The following ITIH6 variants were observed in gnomAD, a reference collection of about 807,000 sequenced individuals.
ITIH6 encodes the protein inter-alpha-trypsin inhibitor heavy chain H6.
Under a neutral mutation model 58.2 loss-of-function variants are expected in ITIH6, and 60 were observed. The ratio of observed to expected loss-of-function variants is 1.03; its 90% CI spans 0.84 to 1.28. The LOEUF (loss-of-function observed/expected upper bound fraction) is 1.28, where lower values mean the gene tolerates loss of function less well. ITIH6 is among the 50% of genes most tolerant of loss of function. The pLI, the probability that ITIH6 is intolerant of heterozygous loss-of-function variation, is 0.00. For synonymous variants in ITIH6, 493 were observed against 417.4 expected (o/e 1.18, Z -2.21); for missense variants, 1,290 against 1,021.1 (o/e 1.26, Z -3.59).
At chrX:54,783,744 TAA>T (rs1404758961) in intron 5 of ITIH6, among the ~76,000 whole-genome samples, 1 of 111,830 alleles carries the variant, frequency 8.9e-6, no homozygotes, top group East Asian at 2.8e-4. Flanking sequence ...TCAATATTGT[TAA>T]AGTGTCCATA....
At position 54,758,077 on chromosome X, in the gene ITIH6, G is replaced by T. The variant is rs1418842133; in HGVS notation, c.1997C>A (p.Pro666Gln). Residue 666 changes from proline (P) to glutamine (Q), a missense_variant, in exon 8 of 13, where the codon CCA (proline) becomes CAA (glutamine). Pro to Gln is a moderately conservative substitution (Grantham distance 76). Transcript: ENST00000218436. ...VISPKSRPVK[P>Q]KFYLSSTTTA... The stretch of plus-strand genomic sequence containing the variant: ...AGTAGTTGAGGATAAGTAGAACTTT[G>T]GTTTCACAGGCCTTGATTTGGGGGA... 5.0e-6 allele frequency: 6 copies of T among 1,211,450 alleles called. No homozygotes were observed. The Admixed American group carries it at 1.1e-4, about 22-fold the overall frequency.
intron 6 of ITIH6, among the ~76,000 whole-genome samples, chrX:54,762,676 T>G (rs977488513): frequency 8.9e-6 from 1 of 112,319 alleles, no homozygotes; most frequent in Non-Finnish European, 1.9e-5. Flanking sequence ...ACTTAGATAT[T>G]CCCTGTCCCA....
intron 5 of ITIH6, among the ~76,000 whole-genome samples, chrX:54,780,350 A>C (rs750280360): frequency 5.2e-4 from 59 of 112,465 alleles, no homozygotes; most frequent in Non-Finnish European, 9.2e-4. Context: ...TAACACTAAA[A>C]ATCAATAACA....
Position 54,757,551 on chromosome X carries a change from C to T in ITIH6, c.2523G>A (p.Gly841=), listed in dbSNP as rs1476668533. The part of the protein sequence containing the change: ...PKTRNNMPHL[G]PGILLSKTPK... ...GGGTCTTGGACAAGAGGATTCCAGG[C>T]CCCAGGTGTGGCATGTTGTTTCGGG... The change falls in exon 8 of 13, where the codon GGG becomes GGA. Residue 841 remains glycine (G), a synonymous_variant. Coordinates refer to ENST00000218436, the MANE Select transcript of ITIH6 (RefSeq NM_198510.3). The T allele has an allele frequency of 5.6e-5, 68 of 1,207,632 alleles. No homozygotes were observed. The highest frequency in any genetic ancestry group is 7.4e-5 in the Non-Finnish European group (66 of 894,224).
Position 54,749,044 on chromosome X carries a change from C to T in ITIH6, c.*851G>A, listed in dbSNP as rs754595183. ...TCCTGTGTTTCCATAAATGTCTGTC[C>T]CTCTATCCATCCATATCTGTGCCCT... On this transcript the variant is annotated 3_prime_UTR_variant, in exon 13 of 13. Transcript: ENST00000218436. 3 of 111,596 alleles carry T rather than the reference C, an allele frequency of 2.7e-5. No individual in the cohort carries two copies. Among genetic ancestry groups the T allele is most frequent in the African/African-American group, 9.8e-5 (3 of 30,692 alleles). The allele number at this position is 111,596 out of a possible 1,213,427, so 9.2% of individuals were successfully genotyped here.
chrX:54,782,060 AAC>A (rs1279643078), intron 5 of ITIH6, among the ~76,000 whole-genome samples: 1 of 111,442 alleles, frequency 9.0e-6, no homozygotes, highest in African/African-American at 3.3e-5. Context: ...AGAGGGGAAT[AAC>A]ACACACTGGG....
Position 54,757,502 on chromosome X carries a change from GT to G in ITIH6, c.2571del (p.Lys857AsnfsTer45), listed in dbSNP as rs1284131301. On this transcript the variant is annotated frameshift_variant, in exon 8 of 13. Coordinates refer to ENST00000218436, the MANE Select transcript of ITIH6 (RefSeq NM_198510.3). LOFTEE classifies it high-confidence loss of function. ...GAAATTTGGTGTGGTGGGGCACTCG[GT>G]TTAAGAGATAATAAGATTTTAGGGG... is the stretch of plus-strand genomic sequence containing the variant. ...SKTPKILLSL[K>X]PSAPPHQIST... 1.7e-6 allele frequency: 2 copies of G among 1,211,145 alleles called. No homozygotes were observed. The highest frequency in any genetic ancestry group is 2.2e-6 in the Non-Finnish European group (2 of 895,322).
chrX:54,771,309 T>A (rs2147611653), intron 6 of ITIH6, among the ~76,000 whole-genome samples: 1 of 112,406 alleles, frequency 8.9e-6, no homozygotes, highest in East Asian at 2.8e-4. Flanking sequence ...CCTTCTATTA[T>A]TTCCATGATG....
In ITIH6 at chrX:54,757,970, A is replaced by T. The variant is rs145736752; in HGVS notation, c.2104T>A (p.Tyr702Asn). The T allele has an allele frequency of 1.3e-3, 1,567 of 1,210,092 alleles. 1 individual carries two copies. Among genetic ancestry groups the T allele is most frequent in the Non-Finnish European group, 1.7e-3 (1,482 of 895,204 alleles). Reference sequence around the variant, plus strand: ...TGTGCTGGAATTTTGGCCTTTGGGTATGTGGGCATTGACAGGGTATGAGGG... The same window carrying T: ...TGTGCTGGAATTTTGGCCTTTGGGTTTGTGGGCATTGACAGGGTATGAGGG... ...ESPHTLSMPT[Y>N]PKAKIPAQQD... The change falls in exon 8 of 13, where the codon TAC (tyrosine) becomes AAC (asparagine). Residue 702 changes from tyrosine (Y) to asparagine (N), a missense_variant. By Grantham distance (143) the Tyr-to-Asn change is moderately radical. Coordinates refer to ENST00000218436, the MANE Select transcript of ITIH6 (RefSeq NM_198510.3).
intron 2 of ITIH6, among the ~76,000 whole-genome samples, chrX:54,795,484 A>G (rs1390044954): frequency 9.0e-6 from 1 of 111,714 alleles, no homozygotes; most frequent in African/African-American, 3.3e-5. Flanking sequence ...GTGAGACCCA[A>G]GGAGGTGCTC....
rs753507384 is a variant in ITIH6, at chrX:54,770,333, C to T, written c.903+3748G>A. ...CTCAGATGGAAATGCAGAAATCACC[C>T]GTCTTATGCGTCGCTCACGCTGGGA... is the stretch of plus-strand genomic sequence containing the variant. On this transcript the variant is annotated intron_variant, in intron 6 of 12. Coordinates refer to ENST00000218436, the MANE Select transcript of ITIH6 (RefSeq NM_198510.3). Among the ~76,000 whole-genome samples the T allele has an allele frequency of 1.2e-4, 14 of 112,602 alleles. No homozygotes were observed. In the South Asian group the frequency reaches 4.8e-3, roughly 39 times the overall value.
intron 6 of ITIH6, among the ~76,000 whole-genome samples, chrX:54,771,836 AAAC>A (rs1928958653): frequency 8.9e-6 from 1 of 112,072 alleles, no homozygotes; most frequent in Non-Finnish European, 1.9e-5. Context: ...AGTTAAAAAA[AAAC>A]AACAACAACA....
At chrX:54,786,210 A>G (rs1160639552) in intron 5 of ITIH6, among the ~76,000 whole-genome samples, 2 of 111,549 alleles carry the variant, frequency 1.8e-5, no homozygotes, top group East Asian at 5.7e-4. Flanking sequence ...CCCATTCCCC[A>G]CAGCCAATCA....
intron 10 of ITIH6, 71 bp from the exon 11 acceptor site, chrX:54,753,835 A>C: frequency 9.0e-7 from 1 of 1,110,590 alleles, no homozygotes; most frequent in Admixed American, 2.2e-5. Flanking sequence ...GAGAGGAGGG[A>C]AAGGGAAGAG....
chrX:54,752,337 G>A (rs777917426), intron 11 of ITIH6, among the ~76,000 whole-genome samples: 18 of 111,717 alleles, frequency 1.6e-4, no homozygotes, highest in Non-Finnish European at 2.4e-4. Context: ...ATTGAAGGAA[G>A]AACAATTTAT....
At chrX:54,793,285 T>C (rs1225585626) in intron 2 of ITIH6, among the ~76,000 whole-genome samples, 2 of 111,175 alleles carry the variant, frequency 1.8e-5, no homozygotes, top group Non-Finnish European at 3.8e-5. Flanking sequence ...ATGGATGAAA[T>C]TGGAAATCAT....
intron 6 of ITIH6, among the ~76,000 whole-genome samples, chrX:54,767,602 G>T (rs1381496796): frequency 9.9e-5 from 10 of 100,564 alleles, no homozygotes; most frequent in Admixed American, 6.4e-4. Context: ...CTTTGTTCTC[G>T]TTGGTTTCAA....
chrX:54,775,511 C>T (rs1929034607), intron 5 of ITIH6, among the ~76,000 whole-genome samples: 1 of 111,421 alleles, frequency 9.0e-6, no homozygotes, highest in Non-Finnish European at 1.9e-5. Flanking sequence ...GGAGGTCCTG[C>T]CTTGGACCCC....
intron 5 of ITIH6, among the ~76,000 whole-genome samples, chrX:54,782,875 C>T (rs1929173837): frequency 9.0e-6 from 1 of 111,202 alleles, no homozygotes; most frequent in Non-Finnish European, 1.9e-5. Context: ...CAAAACCAGA[C>T]AAAGACACAT....
Sources: allele counts gnomAD v4.1 joint callset (sites outside exome capture counted in the v4.1 genomes callset), GRCh38; gene constraint gnomAD v4.1.1; transcripts MANE v1.5; gene names NCBI Gene and HGNC (gene_info 2026-07-23, HGNC 2026-07-21).